The following PTGER4 variants were observed in gnomAD, a reference collection of about 807,000 sequenced individuals.
PTGER4 encodes the protein prostaglandin E2 receptor EP4 subtype.
PTGER4 carries 11 observed loss-of-function variants against 33.2 expected under a neutral mutation model. That is an observed-to-expected ratio of 0.33 (90% CI 0.21 to 0.55). PTGER4 has a LOEUF of 0.55. Ranked by LOEUF, PTGER4 falls within the 20% of genes least tolerant of loss-of-function variation. PTGER4 has a pLI of 0.92. For missense variants in PTGER4, 481 were observed against 650.2 expected, an observed-to-expected ratio of 0.74 and a Z score of 2.83; for synonymous variants, 275 against 281.5, an observed-to-expected ratio of 0.98 and a Z score of 0.23.
At chr5:40,745,523 T>C in the PTGER4 span, among the ~76,000 whole-genome samples, 1 of 151,946 alleles carries the variant, frequency 6.6e-6, no homozygotes, top group Non-Finnish European at 1.5e-5. Context: ...GAGATTGTCC[T>C]ATTCTTTTGT....
chr5:40,742,757 A>T, the PTGER4 span, among the ~76,000 whole-genome samples: 1 of 152,228 alleles, frequency 6.6e-6, no homozygotes, highest in South Asian at 2.1e-4. Flanking sequence ...ATTCGGGAGG[A>T]GGGTGAGAAA....
chr5:40,713,062 T>G, the PTGER4 span, among the ~76,000 whole-genome samples: 1 of 152,170 alleles, frequency 6.6e-6, no homozygotes, highest in Non-Finnish European at 1.5e-5. Context: ...TAAAATTCTT[T>G]ATTATCAAAT....
At chr5:40,718,257 A>T in the PTGER4 span, among the ~76,000 whole-genome samples, 5 of 151,606 alleles carry the variant, frequency 3.3e-5, no homozygotes, top group African/African-American at 1.2e-4. Flanking sequence ...TACAAAAAAA[A>T]TTAGTTGGAC....
the PTGER4 span, among the ~76,000 whole-genome samples, chr5:40,722,848 C>G: frequency 3.3e-5 from 5 of 151,546 alleles, no homozygotes; most frequent in South Asian, 2.1e-4. Context: ...CCAGCTGCCC[C>G]GTCCGGGAGG....
chr5:40,697,222 G>T (rs910211004), downstream of PTGER4, among the ~76,000 whole-genome samples: 2 of 77,302 alleles, frequency 2.6e-5, no homozygotes, highest in African/African-American at 4.8e-5. Context: ...GAAAAAGAAA[G>T]AAGAAAAGAA....
chr5:40,742,902 C>T, the PTGER4 span, among the ~76,000 whole-genome samples: 6 of 152,122 alleles, frequency 3.9e-5, no homozygotes, highest in South Asian at 2.1e-4. Flanking sequence ...CTTATAAAAA[C>T]GTTTTTAGCC....
the PTGER4 span, among the ~76,000 whole-genome samples, chr5:40,709,048 T>G: frequency 7.2e-5 from 11 of 152,174 alleles, no homozygotes; most frequent in African/African-American, 2.7e-4. Context: ...TAATAAGAGC[T>G]ATCTATGACA....
Position 40,683,523 on chromosome 5 carries a change from G to C in PTGER4, c.867+1663G>C, listed in dbSNP as rs957417426. On this transcript the variant is annotated intron_variant, in intron 2 of 2. Coordinates refer to ENST00000302472, the MANE Select transcript of PTGER4 (RefSeq NM_000958.3). This position sits in a 1 kb window ranked among gnomAD's most constrained non-coding sequence, Gnocchi z 4.2. The stretch of plus-strand genomic sequence containing the variant: ...CTGGGCCTCTGCCTTGTGTTTTACA[G>C]AACAGTAAATGACAAAGTGAATGGT... 6.6e-6 allele frequency among the ~76,000 whole-genome samples: 1 copy of C among 152,200 alleles called. No homozygotes were observed. The highest frequency in any genetic ancestry group is 1.5e-5 in the Non-Finnish European group (1 of 68,034).
At chr5:40,707,416 G>A in the PTGER4 span, among the ~76,000 whole-genome samples, 1 of 152,082 alleles carries the variant, frequency 6.6e-6, no homozygotes, top group African/African-American at 2.4e-5. Context: ...AACGAACAAA[G>A]ATCAAAAGAG....
intron 2 of PTGER4, among the ~76,000 whole-genome samples, chr5:40,687,892 T>G (rs1467814302): frequency 6.6e-6 from 1 of 152,200 alleles, no homozygotes; most frequent in Admixed American, 6.5e-5. Context: ...GAGCATACTT[T>G]TAATATAGCC....
the PTGER4 span, chr5:40,716,130 CCTATG>C: frequency 6.4e-7 from 1 of 1,567,506 alleles, no homozygotes; most frequent in Non-Finnish European, 8.7e-7. Context: ...TTCAAATAAT[CCTATG>C]CATACTGCTT....
chr5:40,696,990 A>G (rs6862453), downstream of PTGER4, among the ~76,000 whole-genome samples: 19 of 121,698 alleles, frequency 1.6e-4, no homozygotes, highest in South Asian at 2.7e-4. Flanking sequence ...GAAAGAGAGA[A>G]AGAGAAAGGG....
At chr5:40,736,219 TAA>T in the PTGER4 span, among the ~76,000 whole-genome samples, 3 of 152,116 alleles carry the variant, frequency 2.0e-5, no homozygotes, top group Admixed American at 2.0e-4. Context: ...GGTGAGAAAA[TAA>T]AGTCATTCTA....
chr5:40,681,152 C>T lies in PTGER4; in HGVS notation c.159C>T (p.Thr53=), dbSNP rs2228058. The T allele has an allele frequency of 0.071, 115,152 of 1,614,044 alleles. 4,537 individuals carry two copies. The highest frequency in any genetic ancestry group is 0.11 in the African/African-American group (8,195 of 74,984). Residue 53 remains threonine (T), a synonymous_variant, in exon 2 of 3, where the codon ACC becomes ACT. Coordinates refer to ENST00000302472, the MANE Select transcript of PTGER4 (RefSeq NM_000958.3). This position sits in a 1 kb window ranked among gnomAD's most constrained non-coding sequence, Gnocchi z 9.8. Reference sequence around the variant, plus strand: ...CGCGCAAGGAGCAGAAGGAGACGACCTTCTACACGCTGGTATGTGGGCTGG... The same window carrying T: ...CGCGCAAGGAGCAGAAGGAGACGACTTTCTACACGCTGGTATGTGGGCTGG... ...CKSRKEQKET[T]FYTLVCGLAV...
At chr5:40,730,280 T>C in the PTGER4 span, 1 of 1,607,934 alleles carries the variant, frequency 6.2e-7, no homozygotes, top group Admixed American at 1.7e-5. Flanking sequence ...TCATCTCGTA[T>C]AGGGTAGCAT....
At chr5:40,726,244 C>T in the PTGER4 span, among the ~76,000 whole-genome samples, 1 of 150,790 alleles carries the variant, frequency 6.6e-6, no homozygotes, top group Non-Finnish European at 1.5e-5. Flanking sequence ...TAAACATTTT[C>T]CAATGTTCAC....
the PTGER4 span, among the ~76,000 whole-genome samples, chr5:40,703,267 AG>A: frequency 2.6e-5 from 4 of 151,860 alleles, no homozygotes; most frequent in African/African-American, 9.7e-5. Context: ...ACTAATTAAG[AG>A]AGAAGATCCA....
chr5:40,726,014 T>C, the PTGER4 span, among the ~76,000 whole-genome samples: 34 of 151,714 alleles, frequency 2.2e-4, no homozygotes, highest in Non-Finnish European at 4.6e-4. Context: ...CTCAATCTCC[T>C]GACCTTGTGA....
the PTGER4 span, among the ~76,000 whole-genome samples, chr5:40,735,930 G>C: frequency 6.6e-6 from 1 of 152,220 alleles, no homozygotes; most frequent in African/African-American, 2.4e-5. Context: ...TCAAGAAATG[G>C]AGTTTGTAGT....
Sources: gnomAD v4.1 joint callset for allele counts (sites outside exome capture counted in the v4.1 genomes callset) on GRCh38, gnomAD v4.1.1 for gene constraint, Gnocchi (gnomAD v3.1) non-coding constraint, MANE v1.5 for transcripts, NCBI Gene and HGNC (gene_info 2026-07-23, HGNC 2026-07-21) for gene names.